ADRA1B: variants seen among roughly 807,000 people sequenced by gnomAD.
The protein encoded by ADRA1B is adrenoceptor alpha 1B.
In ADRA1B, 17 loss-of-function variants were observed where a neutral mutation model predicts 17.9. The observed-to-expected ratio is 0.95, with a 90% CI of 0.65 to 1.42. ADRA1B has a LOEUF of 1.42. Ranked by LOEUF, ADRA1B falls within the 40% of genes most tolerant of loss-of-function variation. ADRA1B has a pLI of 0.00. For synonymous variants in ADRA1B, 366 were observed against 327.6 expected (o/e 1.12, Z -1.27); for missense variants, 681 against 722.1 (o/e 0.94, Z 0.65).
intron 1 of ADRA1B, among the ~76,000 whole-genome samples, chr5:159,876,325 T>C (rs1343868244): frequency 6.6e-6 from 1 of 152,228 alleles, no homozygotes; most frequent in Non-Finnish European, 1.5e-5. Flanking sequence ...GGCTTTCTCC[T>C]CACAGTGGCA....
the ADRA1B span, among the ~76,000 whole-genome samples, chr5:159,978,217 GT>G: frequency 8.5e-5 from 13 of 152,138 alleles, no homozygotes; most frequent in Non-Finnish European, 1.5e-4. Context: ...ACTTCATGTA[GT>G]ACCTGACACA....
At chr5:159,978,746 A>T in the ADRA1B span, among the ~76,000 whole-genome samples, 1 of 152,176 alleles carries the variant, frequency 6.6e-6, no homozygotes, top group Non-Finnish European at 1.5e-5. Context: ...TTCACAAGAG[A>T]TTTACAAAAC....
rs1400330509 is a variant in ADRA1B at position 159,932,781 on chromosome 5, C to T, written c.949+14927C>T. Among the ~76,000 whole-genome samples, 5 of 152,098 alleles carry T rather than the reference C, an allele frequency of 3.3e-5. No individual in the cohort carries two copies. The East Asian group carries it at 9.6e-4, about 29-fold the overall frequency. ...ACTATTCCTCATTTTGCTTTTTTCA[C>T]TGGACAATGTATCTTGAAGGTCTTT... On this transcript the variant is annotated intron_variant, in intron 1 of 1. Transcript: ENST00000306675.
chr5:159,986,775 G>A, the ADRA1B span, among the ~76,000 whole-genome samples: 1 of 152,202 alleles, frequency 6.6e-6, no homozygotes, highest in Non-Finnish European at 1.5e-5. Flanking sequence ...ACTTTACGAT[G>A]GGTTTTTGGA....
chr5:159,982,295 G>A, the ADRA1B span, among the ~76,000 whole-genome samples: 3 of 152,182 alleles, frequency 2.0e-5, no homozygotes, highest in Admixed American at 2.0e-4. Context: ...ATGAAATGAT[G>A]GGAAATATTT....
intron 1 of ADRA1B, among the ~76,000 whole-genome samples, chr5:159,965,195 T>A (rs1755751518): frequency 6.6e-6 from 1 of 152,174 alleles, no homozygotes; most frequent in Admixed American, 6.5e-5. Context: ...TGAGTGACCT[T>A]GAGTGAGTCA....
intron 1 of ADRA1B, chr5:159,950,821 T>G (rs1755418972): frequency 1.7e-6 from 1 of 591,934 alleles, no homozygotes; most frequent in African/African-American, 1.8e-5. Flanking sequence ...GTCAGTGAGC[T>G]TCTTGTTCAG....
Position 159,917,795 on chromosome 5 carries a change from G to A in ADRA1B, c.890G>A (p.Gly297Asp). Residue 297 changes from glycine (G) to aspartate (D), a missense_variant, in exon 1 of 2, where the codon GGC becomes GAC. Gly to Asp is a moderately conservative substitution (Grantham distance 94). Around this residue, in one of 3 missense-constraint regions of ADRA1B, gnomAD observed 424 missense variants for 480.2 expected, o/e 0.88. Coordinates refer to ENST00000306675, the MANE Select transcript of ADRA1B (RefSeq NM_000679.4). ...SREKKAAKTLGIVVGMFILCW... is the reference protein window; with the variant it reads ...SREKKAAKTLDIVVGMFILCW... ...GAAAAGAAAGCAGCTAAGACGTTGGGCATTGTGGTCGGTATGTTCATCTTG... is the reference window on the plus strand; with the variant it reads ...GAAAAGAAAGCAGCTAAGACGTTGGACATTGTGGTCGGTATGTTCATCTTG... The A allele has an allele frequency of 3.7e-6, 6 of 1,613,634 alleles. No homozygotes were observed. The highest frequency in any genetic ancestry group is 5.1e-6 in the Non-Finnish European group (6 of 1,179,970).
At chr5:159,903,018 G>A (rs927870869) in intron 1 of ADRA1B, among the ~76,000 whole-genome samples, 5 of 152,134 alleles carry the variant, frequency 3.3e-5, no homozygotes, top group Admixed American at 6.5e-5. Context: ...TGCATCCCCC[G>A]CGGTTACCTA....
rs779436118 is a variant in ADRA1B at position 159,963,288 on chromosome 5, G to GTATATATATATATATGTGTATATATA, written c.950-8576_950-8575insGTGTATATATATATATATATATATAT. Among the ~76,000 whole-genome samples the GTATATATATATATATGTGTATATATA allele has an allele frequency of 2.9e-4, 39 of 132,732 alleles. No homozygotes were observed. The South Asian group carries it at 8.8e-3, about 30-fold the overall frequency. 87.1% of individuals were successfully genotyped at this position (132,732 alleles called of 152,430 possible). A position where few individuals can be genotyped will look rare whatever the true frequency, so the allele number is the denominator to read the frequency against. On this transcript the variant is annotated intron_variant, in intron 1 of 1. Coordinates refer to ENST00000306675, the MANE Select transcript of ADRA1B (RefSeq NM_000679.4). ...ACTTGACAGTGAATAAACAAAAAAA[G>GTATATATATATATATGTGTATATATA]TATATATATATATATATATATCCAC...
intron 1 of ADRA1B, among the ~76,000 whole-genome samples, chr5:159,952,396 T>C (rs753011036): frequency 2.0e-5 from 3 of 152,184 alleles, no homozygotes; most frequent in Non-Finnish European, 4.4e-5. Context: ...AAACATCTTA[T>C]TGTATGTAAT....
chr5:159,893,994 A>G (rs1482551304), intron 1 of ADRA1B, among the ~76,000 whole-genome samples: 1 of 152,296 alleles, frequency 6.6e-6, no homozygotes, highest in Non-Finnish European at 1.5e-5. Context: ...GGAACCAAAC[A>G]CTAAGATAGA....
intron 1 of ADRA1B, among the ~76,000 whole-genome samples, chr5:159,910,673 G>C (rs1754218465): frequency 6.6e-6 from 1 of 152,160 alleles, no homozygotes; most frequent in South Asian, 2.1e-4. Flanking sequence ...AGCAAGCTGT[G>C]TTCCAGTAAA....
At chr5:159,870,405 T>C (rs1448256342) in intron 1 of ADRA1B, 2 of 152,366 alleles carry the variant, frequency 1.3e-5, no homozygotes, top group South Asian at 2.1e-4. Flanking sequence ...GCTTTAGCTA[T>C]TAGATTCCAT....
At chr5:159,987,919 A>C in the ADRA1B span, among the ~76,000 whole-genome samples, 9 of 152,186 alleles carry the variant, frequency 5.9e-5, no homozygotes, top group African/African-American at 2.2e-4. Context: ...GGTAGGCTGA[A>C]GAATGCCCCC....
intron 1 of ADRA1B, among the ~76,000 whole-genome samples, chr5:159,928,798 A>G (rs1754726184): frequency 6.6e-6 from 1 of 152,190 alleles, no homozygotes; most frequent in Admixed American, 6.5e-5. Context: ...CGTCAGCCCC[A>G]GGGCTCACAC....
At chr5:159,865,155 T>A (rs1020250237) in exon 1 of ADRA1B, 7 of 152,180 alleles carry the variant, frequency 4.6e-5, no homozygotes, top group African/African-American at 1.7e-4. Context: ...AAAGAAAATC[T>A]GAGGGATCCT....
chr5:159,920,900 G>A (rs1018332707), intron 1 of ADRA1B, among the ~76,000 whole-genome samples: 2 of 152,182 alleles, frequency 1.3e-5, no homozygotes, highest in African/African-American at 2.4e-5. Flanking sequence ...AGATGTGGGG[G>A]AGGACTGTGT....
chr5:159,874,559 A>C (rs1192968231), intron 1 of ADRA1B, among the ~76,000 whole-genome samples: 2 of 152,154 alleles, frequency 1.3e-5, no homozygotes, highest in African/African-American at 4.8e-5. Context: ...AAGGGGCATC[A>C]TTGGGCTGTA....
Sources: allele counts gnomAD v4.1 joint callset (sites outside exome capture counted in the v4.1 genomes callset), GRCh38; gene constraint gnomAD v4.1.1; regional missense constraint gnomAD v4.1.1; transcripts MANE v1.5; gene names NCBI Gene and HGNC (gene_info 2026-07-23, HGNC 2026-07-21).